Variants in DACH2 observed in about 807,000 individuals in gnomAD.
The protein encoded by DACH2 is dachshund family transcription factor 2, also known as dachshund homolog 2.
Under a neutral mutation model 35.8 loss-of-function variants are expected in DACH2, and 17 were observed. That is an observed-to-expected ratio of 0.48 (90% confidence interval 0.33 to 0.71). The LOEUF (loss-of-function observed/expected upper bound fraction) is 0.71, where lower values mean the gene tolerates loss of function less well. Ranked by LOEUF, DACH2 falls within the 30% of genes least tolerant of loss-of-function variation. The probability of loss-of-function intolerance (pLI) is 0.02; values close to 1 mark genes in which losing one functional copy is unlikely to be tolerated. For missense variants in DACH2, 469 were observed against 472.7 expected, an observed-to-expected ratio of 0.99 and a Z score of 0.07; for synonymous variants, 195 against 177.3, an observed-to-expected ratio of 1.10 and a Z score of -0.79.
chrX:86,390,874 G>A (rs1201936719), intron 2 of DACH2, among the ~76,000 whole-genome samples: 4 of 110,815 alleles, frequency 3.6e-5, no homozygotes, highest in African/African-American at 9.8e-5. Flanking sequence ...ACGGATGTGA[G>A]CCACCATGCC....
chrX:86,655,149 T>C (rs1005081954), intron 4 of DACH2, among the ~76,000 whole-genome samples: 1 of 111,637 alleles, frequency 9.0e-6, no homozygotes, highest in Non-Finnish European at 1.9e-5. Flanking sequence ...TCATAGCATT[T>C]ATGGTCTGAT....
intron 1 of DACH2, among the ~76,000 whole-genome samples, chrX:86,301,791 C>T (rs1218192362): frequency 8.9e-6 from 1 of 111,890 alleles, no homozygotes; most frequent in African/African-American, 3.2e-5. Flanking sequence ...AGTATATTTG[C>T]AGTATATTAA....
At chrX:86,614,400 A>T (rs1319351899) in intron 3 of DACH2, among the ~76,000 whole-genome samples, 4 of 111,548 alleles carry the variant, frequency 3.6e-5, no homozygotes, top group Non-Finnish European at 5.7e-5. Flanking sequence ...AAAATATAAT[A>T]TTGTGACCAT....
rs750034656 is a variant in DACH2, at chrX:86,441,829, ATAT to A, written c.527+64974_527+64976del. On this transcript the variant is annotated intron_variant, in intron 2 of 11. Coordinates refer to ENST00000373125, the MANE Select transcript of DACH2 (RefSeq NM_053281.3). ...TTGCTACTCCTTGTTTAAAAATTAC[ATAT>A]TATTATATATATTATACTATATATG... Among the ~76,000 whole-genome samples the A allele has an allele frequency of 5.0e-4, 52 of 103,966 alleles. No homozygotes were observed. In the East Asian group the frequency reaches 6.2e-3, roughly 12 times the overall value. The allele number at this position is 103,966 out of a possible 115,157, so 90.3% of individuals were successfully genotyped here.
At chrX:86,570,396 A>G (rs1016177897) in intron 3 of DACH2, among the ~76,000 whole-genome samples, 1 of 111,915 alleles carries the variant, frequency 8.9e-6, no homozygotes, top group Admixed American at 9.5e-5. Context: ...ATCATGGAAT[A>G]CTATGCAGCC....
intron 4 of DACH2, among the ~76,000 whole-genome samples, chrX:86,694,557 T>C (rs2041045509): frequency 8.9e-6 from 1 of 112,482 alleles, no homozygotes; most frequent in African/African-American, 3.2e-5. Context: ...GATTTGCTTC[T>C]CTGAGTGACC....
intron 7 of DACH2, among the ~76,000 whole-genome samples, chrX:86,807,066 TG>T (rs2042351781): frequency 8.9e-6 from 1 of 111,749 alleles, no homozygotes; most frequent in Non-Finnish European, 1.9e-5. Context: ...AAATTGCTCC[TG>T]GTTAAAAACC....
At chrX:86,262,484 T>C (rs750827070) in intron 1 of DACH2, among the ~76,000 whole-genome samples, 1 of 112,102 alleles carries the variant, frequency 8.9e-6, no homozygotes, top group South Asian at 3.7e-4. Flanking sequence ...CTTTTCTTGC[T>C]GGACATAGAG....
At position 86,148,751 on chromosome X, in the gene DACH2, A is replaced by G. The variant is rs757273362; in HGVS notation, c.131A>G (p.Asn44Ser). 2.5e-6 allele frequency: 3 copies of G among 1,209,123 alleles called. No homozygotes were observed. The highest frequency in any genetic ancestry group is 1.8e-5 in the African/African-American group (1 of 56,852). The change falls in exon 1 of 12, where the codon AAT (asparagine) becomes AGT (serine). Residue 44 changes from asparagine (N) to serine (S), a missense_variant. Physicochemically the swap from Asn to Ser is conservative, Grantham distance 46. Coordinates refer to ENST00000373125, the MANE Select transcript of DACH2 (RefSeq NM_053281.3). ...CCTCGTCTTACTCCTAATATGATCA[A>G]TAGTTTCGTGGTTAATAACCACAGC... ...EPPRLTPNMI[N>S]SFVVNNHSNS...
chrX:86,587,901 T>C (rs775522932), intron 3 of DACH2, among the ~76,000 whole-genome samples: 1 of 112,100 alleles, frequency 8.9e-6, no homozygotes, highest in Non-Finnish European at 1.9e-5. Context: ...TTTTTGTTTT[T>C]CTTGAAATTG....
At chrX:86,801,454 G>A (rs888631087) in intron 7 of DACH2, among the ~76,000 whole-genome samples, 68 of 111,433 alleles carry the variant, frequency 6.1e-4, no homozygotes, top group African/African-American at 2.2e-3. Context: ...AGTGATTGTG[G>A]GTATGTGCAC....
intron 3 of DACH2, 100 bp downstream of exon 3, chrX:86,514,491 C>A (rs2038440907): frequency 1.0e-5 from 8 of 796,619 alleles, no homozygotes; most frequent in African/African-American, 4.1e-5. Flanking sequence ...CAGAGCTTTT[C>A]AAGCTCTATT....
chrX:86,780,661 C>A (rs1373058103), intron 7 of DACH2, among the ~76,000 whole-genome samples: 1 of 111,795 alleles, frequency 8.9e-6, no homozygotes, highest in Non-Finnish European at 1.9e-5. Flanking sequence ...CACTCCCTTG[C>A]CTGTTCTCCA....
At chrX:86,566,837 G>A (rs1326861401) in intron 3 of DACH2, among the ~76,000 whole-genome samples, 1 of 111,076 alleles carries the variant, frequency 9.0e-6, no homozygotes, top group Non-Finnish European at 1.9e-5. Flanking sequence ...AATACTCAAA[G>A]CAGATATTAT....
At chrX:86,255,262 C>T (rs1282861661) in intron 1 of DACH2, among the ~76,000 whole-genome samples, 1 of 111,655 alleles carries the variant, frequency 9.0e-6, no homozygotes, top group African/African-American at 3.3e-5. Context: ...CCATTTTAAA[C>T]AGGAGGCGAA....
chrX:86,359,620 A>T (rs768665884), intron 1 of DACH2, among the ~76,000 whole-genome samples: 1 of 111,103 alleles, frequency 9.0e-6, no homozygotes, highest in Non-Finnish European at 1.9e-5. Flanking sequence ...ACAGTGGTGC[A>T]CGTCTGTAGT....
chrX:86,772,701 C>T (rs2041997976), intron 7 of DACH2, among the ~76,000 whole-genome samples: 1 of 111,003 alleles, frequency 9.0e-6, no homozygotes, highest in Admixed American at 9.7e-5. Context: ...TTTTTAATTG[C>T]CAGAAATATG....
chrX:86,590,687 G>A (rs1454028195), intron 3 of DACH2, among the ~76,000 whole-genome samples: 1 of 111,770 alleles, frequency 8.9e-6, no homozygotes, highest in African/African-American at 3.3e-5. Context: ...CACTAGCTGT[G>A]AATATGAATT....
intron 1 of DACH2, among the ~76,000 whole-genome samples, chrX:86,174,257 G>A (rs2031231130): frequency 9.2e-6 from 1 of 108,113 alleles, no homozygotes; most frequent in Admixed American, 9.9e-5. Context: ...TGAGTAGCTG[G>A]GACTACAGGC....
Sources: gnomAD v4.1 joint callset for allele counts (sites outside exome capture counted in the v4.1 genomes callset) on GRCh38, gnomAD v4.1.1 for gene constraint, MANE v1.5 for transcripts, NCBI Gene and HGNC (gene_info 2026-07-23, HGNC 2026-07-21) for gene names.